Variants in KCTD20 observed in about 807,000 individuals in gnomAD.
KCTD20 encodes the protein potassium channel tetramerization domain containing 20.
In KCTD20, 30 loss-of-function variants were observed where a neutral mutation model predicts 39.6. The ratio of observed to expected loss-of-function variants is 0.76; its 90% confidence interval spans 0.57 to 1.03. The LOEUF is 1.03. KCTD20 is among the 50% of genes least tolerant of loss of function. KCTD20 has a pLI of 0.00. For missense variants in KCTD20, 422 were observed against 522.0 expected (o/e 0.81, Z 1.87); for synonymous variants, 162 against 180.6 (o/e 0.90, Z 0.83).
At chr6:36,447,671 T>C (rs1775089024) in intron 1 of KCTD20, among the ~76,000 whole-genome samples, 1 of 151,664 alleles carries the variant, frequency 6.6e-6, no homozygotes, top group African/African-American at 2.4e-5. Flanking sequence ...GATATACTAT[T>C]GTGCTTAGAA....
At chr6:36,446,674 T>C (rs1392610476) in intron 1 of KCTD20, among the ~76,000 whole-genome samples, 1 of 152,218 alleles carries the variant, frequency 6.6e-6, no homozygotes, top group Non-Finnish European at 1.5e-5. Context: ...ATCTAACTAC[T>C]AACCTCATCC....
At chr6:36,452,895 ATATAAAG>A (rs993550802) in intron 1 of KCTD20, among the ~76,000 whole-genome samples, 9 of 151,950 alleles carry the variant, frequency 5.9e-5, no homozygotes, top group African/African-American at 1.2e-4. Context: ...CAATTCACTC[ATATAAAG>A]TATAGAGTTG....
chr6:36,473,353 C>T (rs1364255751), intron 2 of KCTD20, among the ~76,000 whole-genome samples: 1 of 152,060 alleles, frequency 6.6e-6, no homozygotes, highest in African/African-American at 2.4e-5. Flanking sequence ...TGAGCCACCG[C>T]ACCCGGCCTA....
rs564225119 is a variant in KCTD20 at position 36,467,138 on chromosome 6, T to A, written c.-46-2914T>A. On this transcript the variant is annotated intron_variant, in intron 1 of 7. Transcript: ENST00000373731. Reference sequence around the variant, plus strand: ...GCCTGGCCAACATGGTGAAACCCCGTGTCTACTAAAAATACAAAAATTAGC... The same window carrying A: ...GCCTGGCCAACATGGTGAAACCCCGAGTCTACTAAAAATACAAAAATTAGC... Among the ~76,000 whole-genome samples the A allele has an allele frequency of 3.1e-4, 47 of 151,186 alleles. No homozygotes were observed. In the South Asian group the frequency reaches 5.2e-3, roughly 17 times the overall value.
intron 6 of KCTD20, among the ~76,000 whole-genome samples, chr6:36,483,523 A>T (rs1251507562): frequency 1.3e-5 from 2 of 151,884 alleles, no homozygotes; most frequent in Non-Finnish European, 2.9e-5. Context: ...CTTCTTAAAA[A>T]ATTTTTTTAC....
At chr6:36,475,964 A>G (rs1457779525) in intron 3 of KCTD20, among the ~76,000 whole-genome samples, 1 of 152,166 alleles carries the variant, frequency 6.6e-6, no homozygotes, top group Non-Finnish European at 1.5e-5. Context: ...TGTTTGTTTC[A>G]TAATTGCCCT....
At position 36,469,484 on chromosome 6, in the gene KCTD20, TC is replaced by T. The variant is rs2127444061; in HGVS notation, c.-46-567del. On this transcript the variant is annotated intron_variant, in intron 1 of 7. Coordinates refer to ENST00000373731, the MANE Select transcript of KCTD20 (RefSeq NM_173562.5). This position sits in a 1 kb window ranked among gnomAD's most constrained non-coding sequence, Gnocchi z 4.6. ...GCCAGTGTGATTTTGAGGTGGGGTT[TC>T]GGGATTGAGCATAAGGTATACAAAG... 6.6e-6 allele frequency among the ~76,000 whole-genome samples: 1 copy of T among 151,200 alleles called. No individual in the cohort carries two copies. Among genetic ancestry groups the T allele is most frequent in the Non-Finnish European group, 1.5e-5 (1 of 67,886 alleles).
intron 1 of KCTD20, among the ~76,000 whole-genome samples, chr6:36,452,954 T>C (rs968970769): frequency 3.3e-5 from 5 of 151,558 alleles, no homozygotes; most frequent in African/African-American, 1.2e-4. Context: ...ATTACCACCA[T>C]TATTTCTTTC....
At chr6:36,452,904 A>G (rs1052275982) in intron 1 of KCTD20, among the ~76,000 whole-genome samples, 8 of 151,452 alleles carry the variant, frequency 5.3e-5, no homozygotes, top group African/African-American at 1.9e-4. Context: ...CATATAAAGT[A>G]TAGAGTTGAG....
chr6:36,484,678 T>C, intron 6 of KCTD20, 36 bp from the exon 7 acceptor site: 2 of 985,578 alleles, frequency 2.0e-6, no homozygotes, highest in Non-Finnish European at 3.2e-6. Flanking sequence ...CTTAGGTCTT[T>C]ACTCCATGGC....
chr6:36,445,230 C>G (rs1775002953), intron 1 of KCTD20, among the ~76,000 whole-genome samples: 1 of 147,022 alleles, frequency 6.8e-6, no homozygotes, highest in Non-Finnish European at 1.5e-5. Context: ...CCATTGTACT[C>G]CAGCCTGGGC....
chr6:36,456,460 G>C (rs1293286957), intron 1 of KCTD20, among the ~76,000 whole-genome samples: 1 of 151,694 alleles, frequency 6.6e-6, no homozygotes, highest in African/African-American at 2.4e-5. Flanking sequence ...TGTATTTTTA[G>C]TAGAGACAGG....
chr6:36,443,085 G>C lies in KCTD20; in HGVS notation c.-73G>C, dbSNP rs528805571. On this transcript the variant is annotated 5_prime_UTR_variant, in exon 1 of 8. Transcript: ENST00000373731. ...CCTCCCGGGCGGATTCCAGCCCCGAGCGGGACAGCGCGGCGGGGAGCGACG... is the reference window on the plus strand; with the variant it reads ...CCTCCCGGGCGGATTCCAGCCCCGACCGGGACAGCGCGGCGGGGAGCGACG... 1 of 152,106 alleles carries C rather than the reference G, an allele frequency of 6.6e-6. No individual in the cohort carries two copies. Among genetic ancestry groups the C allele is most frequent in the East Asian group, 1.9e-4 (1 of 5,162 alleles). 9.4% of individuals were successfully genotyped at this position (152,106 alleles called of 1,614,324 possible).
rs72851235 is a variant in KCTD20, at chr6:36,469,320, G to A, written c.-46-732G>A. Among the ~76,000 whole-genome samples the A allele has an allele frequency of 0.075, 11,425 of 152,230 alleles. 589 individuals are homozygous for A. The highest frequency in any genetic ancestry group is 0.11 in the Admixed American group (1,729 of 15,286). On this transcript the variant is annotated intron_variant, in intron 1 of 7. Transcript: ENST00000373731. This position sits in a 1 kb window ranked among gnomAD's most constrained non-coding sequence, Gnocchi z 4.6. ...GTGATTAACCAGCAGAAAGTTATGA[G>A]GCCCCCTGTGTGGCTGCTGTGGCAT...
intron 1 of KCTD20, among the ~76,000 whole-genome samples, chr6:36,465,956 T>C (rs1211286467): frequency 6.6e-6 from 1 of 152,226 alleles, no homozygotes; most frequent in East Asian, 1.9e-4. Flanking sequence ...TGTTAAGCTA[T>C]AACAGGGTGG....
intron 1 of KCTD20, among the ~76,000 whole-genome samples, chr6:36,468,849 A>G (rs1232442273): frequency 6.6e-6 from 1 of 152,120 alleles, no homozygotes; most frequent in East Asian, 1.9e-4. Context: ...TCTCTTTAGC[A>G]TGATTTATTT....
At chr6:36,482,045 A>G (rs1328797132) in intron 6 of KCTD20, among the ~76,000 whole-genome samples, 1 of 152,186 alleles carries the variant, frequency 6.6e-6, no homozygotes, top group East Asian at 1.9e-4. Context: ...ATCCTTTTGA[A>G]TTGGTAATAA....
chr6:36,483,237 C>T (rs1465807618), intron 6 of KCTD20, among the ~76,000 whole-genome samples: 1 of 148,710 alleles, frequency 6.7e-6, no homozygotes, highest in Admixed American at 6.7e-5. Context: ...TTGTTTCCTA[C>T]CCCCTCACCA....
chr6:36,471,867 T>G (rs1310661000), intron 2 of KCTD20, among the ~76,000 whole-genome samples: 12 of 151,466 alleles, frequency 7.9e-5, no homozygotes, highest in Admixed American at 7.9e-4. Context: ...TTTTTTTTTT[T>G]AGACGGAGCC....
Sources: allele counts gnomAD v4.1 joint callset (sites outside exome capture counted in the v4.1 genomes callset), GRCh38; gene constraint gnomAD v4.1.1; non-coding constraint Gnocchi (gnomAD v3.1); transcripts MANE v1.5; gene names NCBI Gene and HGNC (gene_info 2026-07-23, HGNC 2026-07-21).